Variants in DENND11 observed in about 807,000 individuals in gnomAD.
DENND11 encodes the protein DENN domain-containing protein 11.
In DENND11, 34 loss-of-function variants were observed where a neutral mutation model predicts 49.2. The ratio of observed to expected loss-of-function variants is 0.69; its 90% CI spans 0.53 to 0.92. The LOEUF (loss-of-function observed/expected upper bound fraction) is 0.92, where lower values mean the gene tolerates loss of function less well. Ranked by LOEUF, DENND11 falls within the 40% of genes least tolerant of loss-of-function variation. The pLI, the probability that DENND11 is intolerant of heterozygous loss-of-function variation, is 0.00. For missense variants in DENND11, 475 were observed against 581.6 expected, an observed-to-expected ratio of 0.82 and a Z score of 1.88; for synonymous variants, 238 against 230.3, an observed-to-expected ratio of 1.03 and a Z score of -0.30.
rs1797821011 is a variant in DENND11 at position 141,662,832 on chromosome 7, T to G, written c.1192A>C (p.Asn398His). Residue 398 changes from asparagine (N) to histidine (H), a missense_variant, in exon 9 of 9, where the codon AAC (asparagine) becomes CAC (histidine). Asn to His is a moderately conservative substitution (Grantham distance 68). Coordinates refer to ENST00000536163, the MANE Select transcript of DENND11 (RefSeq NM_001080392.2). The part of the protein sequence containing the change: ...LFVLFFLEQN[N>H]RIFQTLLEVS... ...TCCAACAAAGTCTGAAATATCCGGT[T>G]GTTTTGTTCTAGGAAAAACCTGCAT... The G allele has an allele frequency of 3.8e-6, 6 of 1,563,832 alleles. No individual in the cohort carries two copies. The highest frequency in any genetic ancestry group is 3.6e-5 in the South Asian group (3 of 83,890).
Position 141,702,003 on chromosome 7 carries a change from C to G in DENND11, c.151G>C (p.Glu51Gln). The G allele has an allele frequency of 8.9e-7, 1 of 1,128,462 alleles. No individual in the cohort carries two copies. The highest frequency in any genetic ancestry group is 1.1e-6 in the Non-Finnish European group (1 of 922,388). 69.9% of individuals were successfully genotyped at this position (1,128,462 alleles called of 1,614,324 possible). A position where few individuals can be genotyped will look rare whatever the true frequency, so the allele number is the denominator to read the frequency against. ...RPAAEPPRRR[E>Q]PEEPAAPEVL... ...TCCGGGGCGGCCGGCTCCTCGGGCTCCCGCCTCCGGGGCGGCTCCGCGGCC... is the reference window on the plus strand; with the variant it reads ...TCCGGGGCGGCCGGCTCCTCGGGCTGCCGCCTCCGGGGCGGCTCCGCGGCC... The change falls in exon 1 of 9, where the codon GAG (glutamate) becomes CAG (glutamine). Residue 51 changes from glutamate to glutamine, a missense_variant. Glu to Gln is a conservative substitution (Grantham distance 29). Coordinates refer to ENST00000536163, the MANE Select transcript of DENND11 (RefSeq NM_001080392.2).
intron 4 of DENND11, among the ~76,000 whole-genome samples, chr7:141,671,834 C>G (rs1355614523): frequency 6.6e-6 from 1 of 152,186 alleles, no homozygotes; most frequent in Non-Finnish European, 1.5e-5. Context: ...CCTCTAATGG[C>G]CCTCTAACGA....
At chr7:141,683,953 G>A (rs62486724) in intron 3 of DENND11, among the ~76,000 whole-genome samples, 3,450 of 152,140 alleles carry the variant, frequency 0.023, 64 homozygotes, top group Non-Finnish European at 0.036. Flanking sequence ...TTTTAAACAG[G>A]GTCTTGCTCT....
chr7:141,677,336 G>T (rs184835994), intron 3 of DENND11, among the ~76,000 whole-genome samples: 1 of 149,356 alleles, frequency 6.7e-6, no homozygotes, highest in African/African-American at 2.5e-5. Context: ...GCAGTGAACC[G>T]AGAGAGATCA....
Position 141,662,046 on chromosome 7 carries a change from C to G in DENND11, c.*610G>C, listed in dbSNP as rs989358724. ...TTTTAGTTTTCAGCTCACTGATAAG[C>G]AACCTCTTTCATTCTGACCATAAGA... On this transcript the variant is annotated 3_prime_UTR_variant, in exon 9 of 9. Coordinates refer to ENST00000536163, the MANE Select transcript of DENND11 (RefSeq NM_001080392.2). The G allele has an allele frequency of 6.6e-6, 1 of 152,240 alleles. No homozygotes were observed. Among genetic ancestry groups the G allele is most frequent in the Non-Finnish European group, 1.5e-5 (1 of 68,046 alleles). The allele number at this position is 152,240 out of a possible 1,614,324, so 9.4% of individuals were successfully genotyped here.
At chr7:141,670,262 G>A (rs946308850) in intron 4 of DENND11, among the ~76,000 whole-genome samples, 7 of 152,034 alleles carry the variant, frequency 4.6e-5, no homozygotes, top group African/African-American at 1.4e-4. Context: ...TACTTTCCAT[G>A]TTTATGTCTG....
In DENND11 at chr7:141,683,346, T is replaced by C. The variant is rs1364587874; in HGVS notation, c.527+2132A>G. On this transcript the variant is annotated intron_variant, in intron 3 of 8. Coordinates refer to ENST00000536163, the MANE Select transcript of DENND11 (RefSeq NM_001080392.2). ...ACATACTGATATGAACTAATAAATA[T>C]TTGGCAAGTTCAGGCCAGGCTCAGT... 2.0e-5 allele frequency among the ~76,000 whole-genome samples: 3 copies of C among 152,152 alleles called. 1 individual carries two copies. The highest frequency in any genetic ancestry group is 4.8e-5 in the African/African-American group (2 of 41,442).
At chr7:141,680,997 C>T (rs1455400754) in intron 3 of DENND11, among the ~76,000 whole-genome samples, 1 of 152,144 alleles carries the variant, frequency 6.6e-6, no homozygotes, top group African/African-American at 2.4e-5. Flanking sequence ...TGAGTTACTA[C>T]AGTATCAAAA....
At chr7:141,699,097 C>A (rs1444197283) in intron 1 of DENND11, among the ~76,000 whole-genome samples, 2 of 152,082 alleles carry the variant, frequency 1.3e-5, no homozygotes, top group Non-Finnish European at 2.9e-5. Flanking sequence ...GTAAGAACTT[C>A]TAAAATATGC....
intron 2 of DENND11, among the ~76,000 whole-genome samples, chr7:141,686,180 C>A (rs1032345180): frequency 2.0e-5 from 3 of 152,186 alleles, no homozygotes; most frequent in Admixed American, 6.5e-5. Flanking sequence ...CCCCACTACA[C>A]AGGACTAAAA....
At chr7:141,701,087 T>C (rs568632289) in intron 1 of DENND11, among the ~76,000 whole-genome samples, 1 of 152,130 alleles carries the variant, frequency 6.6e-6, no homozygotes, top group South Asian at 2.1e-4. Flanking sequence ...AGGGTCGTTC[T>C]TCCACCTTCT....
rs1797970101 is a variant in DENND11 at position 141,670,866 on chromosome 7, G to A, written c.681+3201C>T. 3.9e-5 allele frequency among the ~76,000 whole-genome samples: 6 copies of A among 152,322 alleles called. No homozygotes were observed. In the South Asian group the frequency reaches 1.2e-3, roughly 32 times the overall value. ...ATCTGTATATGGGAGGAACTGCATA[G>A]GTTATATGCACATACTACACCCTAC... is the stretch of plus-strand genomic sequence containing the variant. On this transcript the variant is annotated intron_variant, in intron 4 of 8. Transcript: ENST00000536163.
chr7:141,685,753 G>T, intron 2 of DENND11, 117 bp from the exon 3 acceptor site: 1 of 1,143,746 alleles, frequency 8.7e-7, no homozygotes, highest in Non-Finnish European at 1.2e-6. Flanking sequence ...TCAGCCTCAA[G>T]AAAACAAGCG....
At chr7:141,685,029 A>AAAAATATATAT (rs1305276426) in intron 3 of DENND11, among the ~76,000 whole-genome samples, 1 of 91,542 alleles carries the variant, frequency 1.1e-5, no homozygotes, top group Non-Finnish European at 2.0e-5. Context: ...AAAAAAAAAA[A>AAAAATATATAT]ATATATATAT....
intron 3 of DENND11, among the ~76,000 whole-genome samples, chr7:141,677,503 G>GTATA (rs140901096): frequency 3.0e-4 from 40 of 134,184 alleles, no homozygotes; most frequent in Middle Eastern, 3.8e-3. Flanking sequence ...GTGTGTGTGT[G>GTATA]TATATATATA....
At position 141,686,557 on chromosome 7, in the gene DENND11, A is replaced by G. The variant is rs1223396575; in HGVS notation, c.368+2T>C. The G allele has an allele frequency of 3.2e-6, 5 of 1,587,218 alleles. No individual in the cohort carries two copies. The highest frequency in any genetic ancestry group is 3.5e-6 in the Non-Finnish European group (4 of 1,156,744). ...AGATGACTCCAGTTCAGAAGTACTT[A>G]CATGAAATCAGATTGGATTTTATGG... On this transcript the variant is annotated splice_donor_variant, in intron 2 of 8. Transcript: ENST00000536163. LOFTEE classifies it high-confidence loss of function.
intron 3 of DENND11, among the ~76,000 whole-genome samples, chr7:141,680,439 T>A (rs774595880): frequency 1.3e-5 from 2 of 152,086 alleles, no homozygotes; most frequent in Non-Finnish European, 2.9e-5. Flanking sequence ...ATATGGGAAC[T>A]GGGTGAAGAT....
At chr7:141,697,856 G>A (rs559440657) in intron 1 of DENND11, among the ~76,000 whole-genome samples, 3 of 152,240 alleles carry the variant, frequency 2.0e-5, no homozygotes, top group Admixed American at 6.5e-5. Context: ...AGAAGCGCTC[G>A]GATACATTAA....
intron 1 of DENND11, among the ~76,000 whole-genome samples, chr7:141,687,306 CTCA>C (rs1449224458): frequency 6.6e-6 from 1 of 152,140 alleles, no homozygotes; most frequent in Non-Finnish European, 1.5e-5. Flanking sequence ...GACTCATTCA[CTCA>C]TCATTGATTA....
Sources: allele counts gnomAD v4.1 joint callset (sites outside exome capture counted in the v4.1 genomes callset), GRCh38; gene constraint gnomAD v4.1.1; transcripts MANE v1.5; gene names NCBI Gene and HGNC (gene_info 2026-07-23, HGNC 2026-07-21).